The following ACOT11 variants were observed in gnomAD, a reference collection of about 807,000 sequenced individuals.
The protein encoded by ACOT11 is acyl-coenzyme A thioesterase 11.
A neutral mutation model predicts 77.5 loss-of-function variants in ACOT11; 69 were observed. The observed-to-expected ratio is 0.89, with a 90% CI of 0.73 to 1.09. The LOEUF is 1.09. ACOT11 is among the 50% of genes least tolerant of loss of function. The pLI, the probability that ACOT11 is intolerant of heterozygous loss-of-function variation, is 0.00. For synonymous variants in ACOT11, 279 were observed against 313.0 expected, an observed-to-expected ratio of 0.89 and a Z score of 1.15; for missense variants, 766 against 813.7, an observed-to-expected ratio of 0.94 and a Z score of 0.71.
At chr1:54,604,510 ACCACTTATGTC>A in intron 12 of ACOT11, 81 bp downstream of exon 12, 2 of 1,263,116 alleles carry the variant, frequency 1.6e-6, no homozygotes, top group Admixed American at 3.7e-5. Flanking sequence ...ACTCTCCCAC[ACCACTTATGTC>A]AAAAAAAGAT....
Position 54,608,020 on chromosome 1 carries a change from C to A in ACOT11, c.1581C>A (p.Thr527=). The part of the protein sequence containing the change: ...RETPEYRRGE[T]LCSGFCLWRE... ...CGCCAGAGTACAGACGCGGAGAGAC[C>A]CTCTGCTCAGGCTTCTGCCTCTGGC... The change falls in exon 15 of 16, where the codon ACC becomes ACA. Residue 527 remains threonine, a synonymous_variant. Coordinates refer to ENST00000343744, the MANE Select transcript of ACOT11 (RefSeq NM_147161.4). The A allele has an allele frequency of 1.9e-6, 3 of 1,613,624 alleles. No individual in the cohort carries two copies. The highest frequency in any genetic ancestry group is 3.3e-5 in the Admixed American group (2 of 60,000).
chr1:54,615,131 T>C (rs920228447), downstream of ACOT11, among the ~76,000 whole-genome samples: 2 of 152,256 alleles, frequency 1.3e-5, no homozygotes, highest in Admixed American at 1.3e-4. Flanking sequence ...CTTGGGCTTG[T>C]GGCTGCTGCA....
At chr1:54,630,987 G>A in intron 16 of ACOT11, 1 of 525,476 alleles carries the variant, frequency 1.9e-6, no homozygotes, top group East Asian at 3.1e-5. Context: ...ATAACGAGGA[G>A]GAACAACAGT....
intron 2 of ACOT11, 22 bp from the exon 3 acceptor site, chr1:54,585,813 G>T (rs779840409): frequency 6.2e-7 from 1 of 1,613,660 alleles, no homozygotes; most frequent in East Asian, 2.2e-5. Context: ...GCTAATGTCT[G>T]GCTTTCTTCT....
At chr1:54,620,882 G>A (rs1184517522) in intron 15 of ACOT11, among the ~76,000 whole-genome samples, 1 of 110,166 alleles carries the variant, frequency 9.1e-6, no homozygotes, top group African/African-American at 3.0e-5. Flanking sequence ...AAAAAAGGCT[G>A]GGTTTGGTGG....
intron 1 of ACOT11, among the ~76,000 whole-genome samples, chr1:54,550,067 G>C (rs1419578582): frequency 1.3e-5 from 2 of 152,180 alleles, no homozygotes; most frequent in African/African-American, 2.4e-5. Flanking sequence ...CCGTATCCCA[G>C]ATAAGGACCC....
Position 54,616,146 on chromosome 1 carries a change from C to T in ACOT11, c.1629+8078C>T, listed in dbSNP as rs759428311. 2.0e-5 allele frequency: 33 copies of T among 1,614,052 alleles called. No individual in the cohort carries two copies. The highest frequency in any genetic ancestry group is 1.7e-4 in the Admixed American group (10 of 60,006). On this transcript the variant is annotated intron_variant, in intron 15 of 16. Coordinates refer to the ACOT11 transcript ENST00000371316. ...GCTGTGCCGAGCCCTTCTACATTGA[C>T]GTCAGCCTCCAGGACTGTGATGTTG...
At chr1:54,616,095 C>T in intron 15 of ACOT11, 1 of 1,614,074 alleles carries the variant, frequency 6.2e-7, no homozygotes, top group Non-Finnish European at 8.5e-7. Flanking sequence ...GGGGGGTGTG[C>T]CATGATGGGA....
At chr1:54,603,736 C>T (rs1368173548) in intron 10 of ACOT11, 135 bp from the exon 11 acceptor site, 1 of 801,038 alleles carries the variant, frequency 1.2e-6, no homozygotes, top group African/African-American at 1.7e-5. Context: ...GACCATCCAG[C>T]CTCCCTACCC....
Position 54,609,787 on chromosome 1 carries a change from C to T in ACOT11, c.*675C>T. ...GGAGGGCTGCGGGCTCCGCTATTTG[C>T]AAATGGATGCCCCAGTGTCCGGGAT... On this transcript the variant is annotated 3_prime_UTR_variant, in exon 16 of 16. Coordinates refer to ENST00000343744, the MANE Select transcript of ACOT11 (RefSeq NM_147161.4). 1 of 1,614,194 alleles carries T rather than the reference C, an allele frequency of 6.2e-7. No individual in the cohort carries two copies. The highest frequency in any genetic ancestry group is 2.2e-5 in the East Asian group (1 of 44,890).
chr1:54,573,496 G>A (rs1569681529), intron 1 of ACOT11, among the ~76,000 whole-genome samples: 1 of 152,260 alleles, frequency 6.6e-6, no homozygotes, highest in South Asian at 2.1e-4. Context: ...ACTTTGGGAG[G>A]CCAAGGCAGG....
chr1:54,591,518 G>T (rs1374485933), intron 3 of ACOT11, among the ~76,000 whole-genome samples: 1 of 152,228 alleles, frequency 6.6e-6, no homozygotes, highest in African/African-American at 2.4e-5. Flanking sequence ...ATTTGAGAAA[G>T]AAGTTGGCAT....
chr1:54,636,256 A>T (rs893137657), exon 17 of ACOT11: 1 of 152,176 alleles, frequency 6.6e-6, no homozygotes, highest in Non-Finnish European at 1.5e-5. Context: ...CATACAGAGG[A>T]TCCACACTGG....
At position 54,560,444 on chromosome 1, in the gene ACOT11, G is replaced by A. The variant is rs370828484; in HGVS notation, c.33+12102G>A. Among the ~76,000 whole-genome samples the A allele has an allele frequency of 7.2e-5, 11 of 152,284 alleles. No individual in the cohort carries two copies. The East Asian group carries it at 1.2e-3, about 16-fold the overall frequency. Reference sequence around the variant, plus strand: ...CTTGTCCATGTAATATGTATATCCTGCCTAGGGCTTCTTCAGTAGTAATAA... The same window carrying A: ...CTTGTCCATGTAATATGTATATCCTACCTAGGGCTTCTTCAGTAGTAATAA... On this transcript the variant is annotated intron_variant, in intron 1 of 15. Coordinates refer to ENST00000343744, the MANE Select transcript of ACOT11 (RefSeq NM_147161.4).
chr1:54,609,892 AGCCACAGTTCCCTCGAG>A lies in ACOT11; in HGVS notation c.*785_*801del. 6.2e-7 allele frequency: 1 copy of A among 1,612,528 alleles called. No individual in the cohort carries two copies. On this transcript the variant is annotated 3_prime_UTR_variant, in exon 16 of 16. Transcript: ENST00000343744. Reference sequence around the variant, plus strand: ...TATGAACAATGGGCACGGGGTTTTCAGCCACAGTTCCCTCGAGGCCAGTGTTCAGCAGGATCATGCCT... The same window carrying A: ...TATGAACAATGGGCACGGGGTTTTCAGCCAGTGTTCAGCAGGATCATGCCT...
chr1:54,579,519 T>C (rs1654230189), intron 1 of ACOT11, among the ~76,000 whole-genome samples: 1 of 152,186 alleles, frequency 6.6e-6, no homozygotes. Context: ...GAGGCTGCCC[T>C]TGGGTTTCTC....
At position 54,609,961 on chromosome 1, in the gene ACOT11, C is replaced by G; in HGVS notation, c.*849C>G. The stretch of plus-strand genomic sequence containing the variant: ...CTGTGTCTGGAAGAGGCGGCAGAGG[C>G]AACAGTGTTTAGGATTTGGGTTATC... On this transcript the variant is annotated 3_prime_UTR_variant, in exon 16 of 16. Coordinates refer to ENST00000343744, the MANE Select transcript of ACOT11 (RefSeq NM_147161.4). 1 of 1,592,618 alleles carries G rather than the reference C, an allele frequency of 6.3e-7. No homozygotes were observed. The highest frequency in any genetic ancestry group is 8.5e-7 in the Non-Finnish European group (1 of 1,174,308).
chr1:54,597,021 G>A (rs1038852163), intron 6 of ACOT11, among the ~76,000 whole-genome samples: 12 of 152,236 alleles, frequency 7.9e-5, no homozygotes, highest in Non-Finnish European at 1.6e-4. Context: ...AGTCTGGAGT[G>A]GAGCTGAGGC....
At chr1:54,567,150 G>A (rs1231147292) in intron 1 of ACOT11, among the ~76,000 whole-genome samples, 1 of 151,860 alleles carries the variant, frequency 6.6e-6, no homozygotes, top group East Asian at 1.9e-4. Flanking sequence ...TGTTTAATAG[G>A]ATCTCACAAA....
Sources: gnomAD v4.1 joint callset for allele counts (sites outside exome capture counted in the v4.1 genomes callset) on GRCh38, gnomAD v4.1.1 for gene constraint, MANE v1.5 for transcripts, NCBI Gene and HGNC (gene_info 2026-07-23, HGNC 2026-07-21) for gene names.